DNAH6: variants seen among roughly 807,000 people sequenced by gnomAD.
DNAH6 encodes the protein axonemal beta dynein heavy chain 6.
A neutral mutation model predicts 491.4 loss-of-function variants in DNAH6; 340 were observed. The observed-to-expected ratio is 0.69, with a 90% CI of 0.63 to 0.76. The LOEUF (loss-of-function observed/expected upper bound fraction) is 0.76, where lower values mean the gene tolerates loss of function less well. DNAH6 is among the 30% of genes least tolerant of loss of function. The pLI is 0.00. For synonymous variants in DNAH6, 1,603 were observed against 1,686.1 expected (o/e 0.95, Z 1.21); for missense variants, 4,443 against 4,972.2 (o/e 0.89, Z 3.20).
chr2:84,819,280 CT>C (rs1680801867), intron 76 of DNAH6, 24 bp from the exon 77 acceptor site: 10 of 1,487,514 alleles, frequency 6.7e-6, no homozygotes, highest in East Asian at 2.5e-5. Context: ...AAGTAACAAC[CT>C]TTTTTTCCTA....
At chr2:84,694,130 C>A in intron 45 of DNAH6, 119 bp from the exon 46 acceptor site, 2 of 804,780 alleles carry the variant, frequency 2.5e-6, no homozygotes, top group Non-Finnish European at 4.0e-6. Context: ...TCTTCCCTTG[C>A]AGCATCCTGC....
At chr2:84,794,655 A>G (rs1271020515) in intron 68 of DNAH6, among the ~76,000 whole-genome samples, 5 of 147,080 alleles carry the variant, frequency 3.4e-5, no homozygotes, top group Non-Finnish European at 7.6e-5. Context: ...TTAGAATGGC[A>G]ATCATTAAAA....
chr2:84,623,949 C>T (rs369559154), intron 26 of DNAH6, among the ~76,000 whole-genome samples: 3 of 152,162 alleles, frequency 2.0e-5, no homozygotes, highest in Admixed American at 1.3e-4. Context: ...TGGTTAAGAA[C>T]GTGGGCTTTC....
At chr2:84,657,516 T>C (rs564652802) in intron 35 of DNAH6, among the ~76,000 whole-genome samples, 2 of 152,178 alleles carry the variant, frequency 1.3e-5, no homozygotes, top group East Asian at 3.9e-4. Context: ...CAGAGTATTA[T>C]AGCTTGTCTT....
Position 84,694,386 on chromosome 2 carries a change from A to G in DNAH6, c.7430A>G (p.Tyr2477Cys), listed in dbSNP as rs1695179212. 1.3e-6 allele frequency: 2 copies of G among 1,552,376 alleles called. No individual in the cohort carries two copies. Among genetic ancestry groups the G allele is most frequent in the Non-Finnish European group, 1.7e-6 (2 of 1,147,132 alleles). The change falls in exon 46 of 77, where the codon TAT (tyrosine) becomes TGT (cysteine). Residue 2477 changes from tyrosine (Y) to cysteine (C), a missense_variant. Around this residue, in one of 3 missense-constraint regions of DNAH6, gnomAD observed 2,977 missense variants for 3,296.6 expected, o/e 0.90. Coordinates refer to ENST00000389394, the MANE Select transcript of DNAH6 (RefSeq NM_001370.2). ...TTGCAGATTGAACTCAGCCGGGGAT[A>G]TAATTATGATAGTTTTCATGAAGAC... is the stretch of plus-strand genomic sequence containing the variant. ...KCLQIELSRG[Y>C]NYDSFHEDLR...
the DNAH6 span, among the ~76,000 whole-genome samples, chr2:84,488,059 A>G: frequency 3.9e-5 from 6 of 152,198 alleles, no homozygotes; most frequent in Non-Finnish European, 8.8e-5. Context: ...ATATAAATTG[A>G]GTACTCTGTT....
intron 61 of DNAH6, among the ~76,000 whole-genome samples, chr2:84,730,352 GA>G (rs1242856783): frequency 6.6e-6 from 1 of 152,210 alleles, no homozygotes; most frequent in Admixed American, 6.5e-5. Context: ...ATTACATGTG[GA>G]CAAGGTAAAT....
At chr2:84,815,688 AT>A (rs888453484) in intron 75 of DNAH6, among the ~76,000 whole-genome samples, 172 bp from the exon 76 acceptor site, 1 of 152,150 alleles carries the variant, frequency 6.6e-6, no homozygotes, top group Non-Finnish European at 1.5e-5. Flanking sequence ...TTATTATTAC[AT>A]TTTTTTGCCT....
chr2:84,703,509 G>C lies in DNAH6; in HGVS notation c.8176G>C (p.Asp2726His), dbSNP rs1325530226. The C allele has an allele frequency of 1.9e-6, 3 of 1,551,426 alleles. No homozygotes were observed. Among genetic ancestry groups the C allele is most frequent in the Non-Finnish European group, 2.6e-6 (3 of 1,146,874 alleles). ...GCCTGTACTTTTAGCAAAATCAGAA[G>C]ATGTTGAAGCCCTGATGGAAAAATT... ...LEPVLLAKSE[D>H]VEALMEKLAV... The change falls in exon 50 of 77, where the codon GAT becomes CAT. Residue 2726 changes from aspartate (D) to histidine (H), a missense_variant. This residue lies in a region of DNAH6 where 2,977 missense variants were observed against 3,296.6 expected (regional missense o/e 0.90). Transcript: ENST00000389394.
At chr2:84,534,105 C>A (rs1188952130) in intron 4 of DNAH6, among the ~76,000 whole-genome samples, 1 of 151,904 alleles carries the variant, frequency 6.6e-6, no homozygotes, top group African/African-American at 2.4e-5. Flanking sequence ...ACAAAATTTA[C>A]ATAACACTGA....
At chr2:84,558,496 T>C (rs1349545902) in intron 11 of DNAH6, among the ~76,000 whole-genome samples, 1 of 151,660 alleles carries the variant, frequency 6.6e-6, no homozygotes, top group East Asian at 1.9e-4. Context: ...TCGATCCACA[T>C]GCATGTGTTT....
At chr2:84,711,905 C>T (rs149850508) in intron 56 of DNAH6, among the ~76,000 whole-genome samples, 25 of 152,354 alleles carry the variant, frequency 1.6e-4, no homozygotes, top group African/African-American at 3.1e-4. Context: ...CTTTATGACA[C>T]GAGAGATCCT....
intron 14 of DNAH6, 97 bp from the exon 15 acceptor site, chr2:84,583,902 T>A: frequency 8.0e-7 from 1 of 1,247,932 alleles, no homozygotes; most frequent in South Asian, 1.4e-5. Flanking sequence ...ACTAATACAA[T>A]GTTCATATTG....
chr2:84,681,456 G>T lies in DNAH6; in HGVS notation c.6844G>T (p.Val2282Phe). Residue 2282 changes from valine (V) to phenylalanine (F), a missense_variant, in exon 42 of 77, where the codon GTT (valine) becomes TTT (phenylalanine). By Grantham distance (50) the Val-to-Phe change is conservative. Coordinates refer to ENST00000389394, the MANE Select transcript of DNAH6 (RefSeq NM_001370.2). ...AGTTGAGATTTATAACAAAATGAGTGTTGACCTCCTGCCAACACCCGCCAA... is the reference window on the plus strand; with the variant it reads ...AGTTGAGATTTATAACAAAATGAGTTTTGACCTCCTGCCAACACCCGCCAA... ...ASVEIYNKMS[V>F]DLLPTPAKSH... The T allele has an allele frequency of 6.4e-7, 1 of 1,551,408 alleles. No individual in the cohort carries two copies. Among genetic ancestry groups the T allele is most frequent in the Non-Finnish European group, 8.7e-7 (1 of 1,146,848 alleles).
chr2:84,782,518 T>C (rs1176767342), intron 65 of DNAH6, among the ~76,000 whole-genome samples: 2 of 152,232 alleles, frequency 1.3e-5, no homozygotes, highest in Non-Finnish European at 2.9e-5. Flanking sequence ...CCCAGTCTGC[T>C]CTGGTCACTG....
chr2:84,778,780 C>A (rs182021592), intron 64 of DNAH6, among the ~76,000 whole-genome samples: 24 of 152,276 alleles, frequency 1.6e-4, no homozygotes, highest in Admixed American at 1.4e-3. Flanking sequence ...ACAGGCACTG[C>A]ACCCAGACAC....
At chr2:84,570,674 G>T (rs191760904) in intron 11 of DNAH6, among the ~76,000 whole-genome samples, 1 of 151,954 alleles carries the variant, frequency 6.6e-6, no homozygotes, top group African/African-American at 2.4e-5. Context: ...CTGTAAAATG[G>T]GCCCATTAGC....
At chr2:84,469,574 C>T in the DNAH6 span, among the ~76,000 whole-genome samples, 5 of 152,224 alleles carry the variant, frequency 3.3e-5, no homozygotes, top group South Asian at 4.1e-4. The surrounding 1 kb of genome is among the most constrained non-coding windows in gnomAD (Gnocchi z 4.0). Flanking sequence ...CCTGTGGCAG[C>T]GTGGGGAAGG....
rs1304557890 is a variant in DNAH6, at chr2:84,705,757, C to G, written c.8727+10C>G. Reference sequence around the variant, plus strand: ...GCTCCGCGCCGCACAGGTACATTTTCTGTATTGTGATATTTTATAGAATTG... The same window carrying G: ...GCTCCGCGCCGCACAGGTACATTTTGTGTATTGTGATATTTTATAGAATTG... On this transcript the variant is annotated intron_variant, in intron 52 of 76. Coordinates refer to ENST00000389394, the MANE Select transcript of DNAH6 (RefSeq NM_001370.2). 2.0e-6 allele frequency: 3 copies of G among 1,537,238 alleles called. No individual in the cohort carries two copies. The highest frequency in any genetic ancestry group is 8.8e-7 in the Non-Finnish European group (1 of 1,141,674).
Sources: allele counts gnomAD v4.1 joint callset (sites outside exome capture counted in the v4.1 genomes callset), GRCh38; gene constraint gnomAD v4.1.1; regional missense constraint gnomAD v4.1.1; non-coding constraint Gnocchi (gnomAD v3.1); transcripts MANE v1.5; gene names NCBI Gene and HGNC (gene_info 2026-07-23, HGNC 2026-07-21).